DHRSX: variants seen among roughly 807,000 people sequenced by gnomAD.
The protein encoded by DHRSX is polyprenol dehydrogenase.
DHRSX carries 31 observed loss-of-function variants against 34.0 expected under a neutral mutation model. The observed-to-expected ratio is 0.91, with a 90% CI of 0.69 to 1.23. The LOEUF (loss-of-function observed/expected upper bound fraction) is 1.23. DHRSX is among the 50% of genes most tolerant of loss of function. The probability of loss-of-function intolerance (pLI) is 0.00; values close to 1 mark genes in which losing one functional copy is unlikely to be tolerated. For missense variants in DHRSX, 414 were observed against 428.1 expected (o/e 0.97, Z 0.29); for synonymous variants, 201 against 183.8 (o/e 1.09, Z -0.76).
chrX:2,383,086 T>G (rs1489824587), intron 3 of DHRSX, among the ~76,000 whole-genome samples: 1 of 148,652 alleles, frequency 6.7e-6, no homozygotes, highest in Non-Finnish European at 1.5e-5. Flanking sequence ...AGCAGCAGCA[T>G]CACCACCATC....
chrX:2,267,467 C>T (rs2124463972), intron 4 of DHRSX, among the ~76,000 whole-genome samples: 1 of 151,842 alleles, frequency 6.6e-6, no homozygotes, highest in East Asian at 1.9e-4. Context: ...ATTGCTTGAA[C>T]CTGGGAGGCG....
rs760410891 is a variant in DHRSX, at chrX:2,266,879, G to A, written c.457C>T (p.Leu153=). Residue 153 remains leucine (L), a synonymous_variant, in exon 5 of 7, where the codon CTA becomes TTA. Transcript: ENST00000334651. ...AGGTTGGTCAGCAGGAAGTGCCCTA[G>A]GTAGTTCAGGCCGAAATGTTCTTCG... ...GFEEHFGLNY[L]GHFLLTNLLL... 5 of 1,613,820 alleles carry A rather than the reference G, an allele frequency of 3.1e-6. No individual in the cohort carries two copies. The highest frequency in any genetic ancestry group is 1.7e-5 in the Admixed American group (1 of 59,990).
chrX:2,372,477 G>A (rs1037327977), intron 3 of DHRSX, among the ~76,000 whole-genome samples: 2 of 152,026 alleles, frequency 1.3e-5, no homozygotes, highest in African/African-American at 2.4e-5. Flanking sequence ...CCAGGATCCC[G>A]TTGAGTATAA....
intron 1 of DHRSX, chrX:2,489,970 C>T: frequency 6.2e-7 from 1 of 1,613,914 alleles, no homozygotes. Context: ...CCTCATAGAG[C>T]ACTCGCGTGA....
chrX:2,294,051 AT>A (rs1320782015), intron 3 of DHRSX, among the ~76,000 whole-genome samples: 1 of 116,952 alleles, frequency 8.6e-6, no homozygotes, highest in Non-Finnish European at 2.1e-5. Flanking sequence ...AGATAGAAAG[AT>A]AGAAGCAGAG....
In DHRSX at chrX:2,243,003, G is replaced by A; in HGVS notation, c.804+20C>T. On this transcript the variant is annotated intron_variant, in intron 6 of 6. Coordinates refer to ENST00000334651, the MANE Select transcript of DHRSX (RefSeq NM_145177.3). Reference sequence around the variant, plus strand: ...CATCTTCAGGTGCAGCCGTGAATCAGAGAAGCAGAAGGGGCTTACCTTGAA... The same window carrying A: ...CATCTTCAGGTGCAGCCGTGAATCAAAGAAGCAGAAGGGGCTTACCTTGAA... 1 of 1,608,484 alleles carries A rather than the reference G, an allele frequency of 6.2e-7. No individual in the cohort carries two copies. Among genetic ancestry groups the A allele is most frequent in the African/African-American group, 1.3e-5 (1 of 74,836 alleles).
chrX:2,432,676 A>G (rs2043942383), intron 1 of DHRSX, among the ~76,000 whole-genome samples: 2 of 152,220 alleles, frequency 1.3e-5, no homozygotes, highest in Admixed American at 6.5e-5. Context: ...ACCTCATAGC[A>G]TGCATGAGTG....
At chrX:2,238,065 C>G in intron 6 of DHRSX, among the ~76,000 whole-genome samples, 1 of 152,176 alleles carries the variant, frequency 6.6e-6, no homozygotes, top group South Asian at 2.1e-4. Context: ...CAGGACAAAT[C>G]AAACCTCTCA....
At chrX:2,376,970 G>A (rs1317418650) in intron 3 of DHRSX, among the ~76,000 whole-genome samples, 2 of 150,574 alleles carry the variant, frequency 1.3e-5, no homozygotes, top group Non-Finnish European at 3.0e-5. Context: ...CTCCAGCCTG[G>A]GTGACAAGAG....
chrX:2,289,277 C>G (rs1355105737), intron 4 of DHRSX, among the ~76,000 whole-genome samples: 1 of 152,066 alleles, frequency 6.6e-6, no homozygotes, highest in Admixed American at 6.6e-5. Flanking sequence ...GCCACCACGC[C>G]TGGCTAATAT....
chrX:2,403,836 A>G (rs1012596666), intron 3 of DHRSX, among the ~76,000 whole-genome samples: 13 of 151,708 alleles, frequency 8.6e-5, no homozygotes, highest in African/African-American at 2.9e-4. Flanking sequence ...AACGTGGGCA[A>G]CAAGAGTGAA....
intron 3 of DHRSX, among the ~76,000 whole-genome samples, chrX:2,349,679 T>A (rs2042763355): frequency 6.6e-6 from 1 of 150,920 alleles, no homozygotes; most frequent in South Asian, 2.1e-4. Context: ...AGAGTGACAC[T>A]CAGTCTCAAA....
At chrX:2,428,074 A>C (rs1466398119) in intron 1 of DHRSX, among the ~76,000 whole-genome samples, 1 of 152,158 alleles carries the variant, frequency 6.6e-6, no homozygotes, top group Admixed American at 6.5e-5. Context: ...GTCGACATAG[A>C]GCATAAAAAA....
intron 4 of DHRSX, among the ~76,000 whole-genome samples, chrX:2,282,919 G>A (rs1375452825): frequency 1.3e-5 from 2 of 151,394 alleles, no homozygotes; most frequent in African/African-American, 2.4e-5. Flanking sequence ...GAGCAAAATA[G>A]TAGAAGCGGG....
intron 1 of DHRSX, among the ~76,000 whole-genome samples, chrX:2,445,163 CAAAG>C (rs1370361805): frequency 6.6e-6 from 1 of 152,046 alleles, no homozygotes; most frequent in Non-Finnish European, 1.5e-5. Context: ...GTCTCAAAAA[CAAAG>C]AACATTAGAT....
intron 3 of DHRSX, among the ~76,000 whole-genome samples, chrX:2,358,388 CTT>C (rs1241848731): frequency 1.3e-5 from 2 of 152,146 alleles, no homozygotes; most frequent in African/African-American, 4.8e-5. Flanking sequence ...TGAACAGACA[CTT>C]TTCAAAAGAA....
At chrX:2,353,011 C>A (rs1398085741) in intron 3 of DHRSX, among the ~76,000 whole-genome samples, 1 of 152,112 alleles carries the variant, frequency 6.6e-6, no homozygotes, top group African/African-American at 2.4e-5. Flanking sequence ...GAAGCCATGG[C>A]AGGCAAGATG....
intron 1 of DHRSX, among the ~76,000 whole-genome samples, chrX:2,485,623 G>T (rs2044874148): frequency 8.9e-6 from 1 of 112,556 alleles, no homozygotes; most frequent in African/African-American, 3.6e-5. Flanking sequence ...AGGGAAGGAA[G>T]GAGGGAGGGA....
intron 5 of DHRSX, among the ~76,000 whole-genome samples, chrX:2,246,748 G>GAAAGAAAGAAAGAAAAAA (rs776138629): frequency 9.6e-6 from 1 of 103,778 alleles, no homozygotes; most frequent in Non-Finnish European, 2.3e-5. Flanking sequence ...AAGAAAGAAA[G>GAAAGAAAGAAAGAAAAAA]AAAAAGAAAG....
Sources: allele counts gnomAD v4.1 joint callset (sites outside exome capture counted in the v4.1 genomes callset), GRCh38; gene constraint gnomAD v4.1.1; transcripts MANE v1.5; gene names NCBI Gene and HGNC (gene_info 2026-07-23, HGNC 2026-07-21).